CALR3: variants seen among roughly 807,000 people sequenced by gnomAD.
The protein encoded by CALR3 is calreticulin-3.
A neutral mutation model predicts 48.7 loss-of-function variants in CALR3; 39 were observed. The ratio of observed to expected loss-of-function variants is 0.80; its 90% CI spans 0.62 to 1.05. The LOEUF (loss-of-function observed/expected upper bound fraction) is 1.05. Ranked by LOEUF, CALR3 falls within the 50% of genes least tolerant of loss-of-function variation. CALR3 has a pLI of 0.00. For missense variants in CALR3, 449 were observed against 474.7 expected, an observed-to-expected ratio of 0.95 and a Z score of 0.50; for synonymous variants, 185 against 172.7, an observed-to-expected ratio of 1.07 and a Z score of -0.56.
intron 2 of CALR3, among the ~76,000 whole-genome samples, chr19:16,495,181 G>C (rs2093404709): frequency 6.7e-6 from 1 of 148,544 alleles, no homozygotes. Context: ...AGCCAAGATC[G>C]TGCCACTGCA....
At chr19:16,488,176 C>T (rs897689363) in intron 3 of CALR3, among the ~76,000 whole-genome samples, 20 of 151,888 alleles carry the variant, frequency 1.3e-4, no homozygotes, top group African/African-American at 4.4e-4. Flanking sequence ...CTCGAACTCC[C>T]GACCTAAGGT....
chr19:16,482,867 G>C, intron 5 of CALR3, 82 bp from the exon 6 acceptor site: 10 of 1,362,896 alleles, frequency 7.3e-6, no homozygotes, highest in Non-Finnish European at 9.2e-6. Context: ...TGTTTCTTGA[G>C]ACTAGGTTTT....
rs1568485451 is a variant in CALR3, at chr19:16,482,677, C to A, written c.786+1G>T. On this transcript the variant is annotated splice_donor_variant, in intron 6 of 8. Coordinates refer to ENST00000269881, the MANE Select transcript of CALR3 (RefSeq NM_145046.5). LOFTEE classifies it high-confidence loss of function. ...TGGCATCATACAAAGAGGCCACACA[C>A]CTGGTACGGGGGCTTCTGGAGCATC... 1 of 1,614,182 alleles carries A rather than the reference C, an allele frequency of 6.2e-7. No homozygotes were observed. The highest frequency in any genetic ancestry group is 8.5e-7 in the Non-Finnish European group (1 of 1,180,036).
At position 16,492,826 on chromosome 19, in the gene CALR3, C is replaced by T. The variant is rs144581568; in HGVS notation, c.194-2256G>A. On this transcript the variant is annotated intron_variant, in intron 2 of 8. Transcript: ENST00000269881. ...GCAGTGAGCCGAGATCGCGCCACTGCACTCCATCCTGGGCTACAGAGCGAG... is the reference window on the plus strand; with the variant it reads ...GCAGTGAGCCGAGATCGCGCCACTGTACTCCATCCTGGGCTACAGAGCGAG... 3.1e-3 allele frequency among the ~76,000 whole-genome samples: 451 copies of T among 147,714 alleles called. 2 individuals are homozygous for T. The highest frequency in any genetic ancestry group is 9.2e-3 in the African/African-American group (368 of 39,934).
intron 2 of CALR3, among the ~76,000 whole-genome samples, chr19:16,491,551 G>A (rs1192539383): frequency 6.6e-6 from 1 of 151,424 alleles, no homozygotes; most frequent in African/African-American, 2.4e-5. Flanking sequence ...GGCTGAGGCA[G>A]GCGGATCACG....
At chr19:16,494,603 G>A (rs1465142937) in intron 2 of CALR3, among the ~76,000 whole-genome samples, 3 of 150,514 alleles carry the variant, frequency 2.0e-5, no homozygotes, top group Non-Finnish European at 3.0e-5. Context: ...CTCATGATCC[G>A]CTCGCCTAAG....
intron 3 of CALR3, among the ~76,000 whole-genome samples, chr19:16,486,978 T>C (rs1449024123): frequency 6.6e-6 from 1 of 152,162 alleles, no homozygotes; most frequent in Non-Finnish European, 1.5e-5. Flanking sequence ...TCAGATGTAG[T>C]AGACACATGC....
chr19:16,486,804 C>G (rs2093389848), intron 3 of CALR3, among the ~76,000 whole-genome samples: 1 of 152,112 alleles, frequency 6.6e-6, no homozygotes, highest in African/African-American at 2.4e-5. Context: ...TCACCCTCAG[C>G]AAGCTCCCCT....
intron 7 of CALR3, among the ~76,000 whole-genome samples, chr19:16,482,232 A>G (rs1415837362): frequency 6.6e-6 from 1 of 151,848 alleles, no homozygotes; most frequent in Admixed American, 6.6e-5. Context: ...TTAAAAAAAA[A>G]AAATCTGGAT....
At chr19:16,492,861 CA>C (rs71178700) in intron 2 of CALR3, among the ~76,000 whole-genome samples, 178 of 124,696 alleles carry the variant, frequency 1.4e-3, no homozygotes, top group African/African-American at 3.4e-3. Context: ...GACTCCGTCT[CA>C]AAAAAAAAAA....
At chr19:16,494,654 C>A (rs534129842) in intron 2 of CALR3, among the ~76,000 whole-genome samples, 2 of 152,168 alleles carry the variant, frequency 1.3e-5, no homozygotes, top group Non-Finnish European at 2.9e-5. Context: ...AGCCACCGCG[C>A]CTGGCCTATT....
chr19:16,495,833 C>T lies in CALR3; in HGVS notation c.111G>A (p.Trp37Ter), dbSNP rs1173294411. The change falls in exon 2 of 9, where the codon TGG becomes TGA. Residue 37 changes from tryptophan to a stop codon, truncating the protein, a stop_gained. Transcript: ENST00000269881. LOFTEE classifies it high-confidence loss of function. ...FLDGEHWRNR[W>*]LQSTNDSRFG... ...ATCGGGAGTCATTGGTGGACTGCAA[C>T]CATCGGTTTCTCCAATGCTCTGTGG... is the stretch of plus-strand genomic sequence containing the variant. 6.2e-7 allele frequency: 1 copy of T among 1,614,070 alleles called. No homozygotes were observed. Among genetic ancestry groups the T allele is most frequent in the South Asian group, 1.1e-5 (1 of 91,082 alleles).
chr19:16,484,836 T>C (rs1028016155), intron 4 of CALR3, among the ~76,000 whole-genome samples: 6 of 152,220 alleles, frequency 3.9e-5, no homozygotes, highest in African/African-American at 1.4e-4. Flanking sequence ...AGAATGTTTT[T>C]TTCATCCTGA....
At chr19:16,484,171 T>A in intron 4 of CALR3, 56 bp from the exon 5 acceptor site, 1 of 1,467,536 alleles carries the variant, frequency 6.8e-7, no homozygotes, top group Non-Finnish European at 9.3e-7. Flanking sequence ...CTTTTTTCTT[T>A]TCTTTTCTTT....
chr19:16,486,839 A>G (rs529582430), intron 3 of CALR3, among the ~76,000 whole-genome samples: 236 of 152,222 alleles, frequency 1.6e-3, no homozygotes, highest in Non-Finnish European at 2.8e-3. Context: ...GCGCTGACTC[A>G]TTGCAACAAA....
intron 2 of CALR3, among the ~76,000 whole-genome samples, chr19:16,491,153 C>T (rs1319685515): frequency 2.0e-5 from 3 of 151,588 alleles, no homozygotes; most frequent in Non-Finnish European, 4.4e-5. Flanking sequence ...GATGGAGTCT[C>T]GCTCTGTCGC....
chr19:16,487,212 C>G (rs1034510422), intron 3 of CALR3, among the ~76,000 whole-genome samples: 6 of 152,060 alleles, frequency 3.9e-5, no homozygotes. Context: ...GGCGTGGTGG[C>G]TCACGCCTGT....
Position 16,496,070 on chromosome 19 carries a change from GGTAGCCAGCGCCACTC to G in CALR3, c.44_59del (p.Arg15ProfsTer9). The G allele has an allele frequency of 6.2e-7, 1 of 1,604,922 alleles. No homozygotes were observed. Among genetic ancestry groups the G allele is most frequent in the East Asian group, 2.2e-5 (1 of 44,558 alleles). Reference sequence around the variant, plus strand: ...CTAGAAATTCCTCTTGGAAATAGACGGTAGCCAGCGCCACTCGCAGCATGCATATGGCCCAGAGCTG... The same window carrying G: ...CTAGAAATTCCTCTTGGAAATAGACGGCAGCATGCATATGGCCCAGAGCTG... On this transcript the variant is annotated frameshift_variant, in exon 1 of 9. Coordinates refer to ENST00000269881, the MANE Select transcript of CALR3 (RefSeq NM_145046.5). LOFTEE classifies it high-confidence loss of function.
rs758610313 is a variant in CALR3, at chr19:16,490,397, T to C, written c.367A>G (p.Asn123Asp). 1 of 1,614,204 alleles carries C rather than the reference T, an allele frequency of 6.2e-7. No individual in the cohort carries two copies. The highest frequency in any genetic ancestry group is 8.5e-7 in the Non-Finnish European group (1 of 1,180,038). ...FPADIDQKNL[N>D]GKSQYYIMFG... ...ATAATATAGTACTGCGATTTTCCAT[T>C]CAGGTTCTTCTGGTCAATGTCTGCA... Residue 123 changes from asparagine to aspartate, a missense_variant, in exon 3 of 9, where the codon AAT becomes GAT. Transcript: ENST00000269881.
Sources: gnomAD v4.1 joint callset for allele counts (sites outside exome capture counted in the v4.1 genomes callset) on GRCh38, gnomAD v4.1.1 for gene constraint, MANE v1.5 for transcripts, NCBI Gene and HGNC (gene_info 2026-07-23, HGNC 2026-07-21) for gene names.